The following PNP variants were observed in gnomAD, a reference collection of about 807,000 sequenced individuals.
PNP encodes purine nucleoside phosphorylase.
A neutral mutation model predicts 26.8 loss-of-function variants in PNP; 18 were observed. That is an observed-to-expected ratio of 0.67 (90% CI 0.46 to 1.00). The LOEUF is 1.00. PNP is among the 50% of genes least tolerant of loss of function. The probability of loss-of-function intolerance (pLI) is 0.00; values close to 1 mark genes in which losing one functional copy is unlikely to be tolerated. For missense variants in PNP, 320 were observed against 362.9 expected (o/e 0.88, Z 0.96); for synonymous variants, 116 against 124.8 (o/e 0.93, Z 0.47).
chr14:20,475,798 G>T (rs1214278782), intron 5 of PNP, among the ~76,000 whole-genome samples: 2 of 152,068 alleles, frequency 1.3e-5, no homozygotes, highest in Non-Finnish European at 2.9e-5. Flanking sequence ...TGTGATGACT[G>T]TTTCTAAGAA....
rs138234455 is a variant in PNP, at chr14:20,474,964, C to T, written c.461+16C>T. ...ATGATGAAAGGTATGTATGTTACTC[C>T]GTTTTTTTTAGGTGGGTAGGATTTA... is the stretch of plus-strand genomic sequence containing the variant. On this transcript the variant is annotated intron_variant, in intron 4 of 5. Transcript: ENST00000361505. The T allele has an allele frequency of 4.5e-4, 721 of 1,613,876 alleles. 8 individuals carry two copies. The East Asian group carries it at 0.015, about 33-fold the overall frequency.
chr14:20,474,285 T>C, intron 2 of PNP, 187 bp from the exon 3 acceptor site: 1 of 588,212 alleles, frequency 1.7e-6, no homozygotes, highest in South Asian at 1.9e-5. Flanking sequence ...TGTATTTGTA[T>C]AATTATTAGT....
intron 2 of PNP, 48 bp from the exon 3 acceptor site, chr14:20,474,424 T>C: frequency 1.3e-6 from 2 of 1,490,576 alleles, no homozygotes; most frequent in Non-Finnish European, 1.9e-6. Flanking sequence ...GGATATGTGT[T>C]GCATGAAAAT....
At chr14:20,472,767 G>T in intron 2 of PNP, 1 of 385,660 alleles carries the variant, frequency 2.6e-6, no homozygotes, top group Non-Finnish European at 4.7e-6. Flanking sequence ...TTTGGTTTAC[G>T]TAATTTCTCA....
At chr14:20,472,204 C>T in intron 1 of PNP, 104 bp from the exon 2 acceptor site, 2 of 931,888 alleles carry the variant, frequency 2.1e-6, no homozygotes, top group Non-Finnish European at 3.5e-6. Context: ...TTCTCCGTCC[C>T]TGCTGCCTCA....
rs182309640 is a variant in PNP, at chr14:20,476,836, G to A, written c.*235G>A. 1.7e-4 allele frequency: 96 copies of A among 550,442 alleles called. No individual in the cohort carries two copies. In the African/African-American group the frequency reaches 1.8e-3, roughly 10 times the overall value. The allele number at this position is 550,442 out of a possible 1,614,324, so 34.1% of individuals were successfully genotyped here. ...GACCTTGGCGCTACAAAATAAAGCT[G>A]TTCTCATTCCTGTTCTTTCTTACAC... On this transcript the variant is annotated 3_prime_UTR_variant, in exon 6 of 6. Transcript: ENST00000361505.
chr14:20,474,233 T>C (rs1382546412), intron 2 of PNP: 3 of 480,490 alleles, frequency 6.2e-6, no homozygotes, highest in East Asian at 4.0e-5. Flanking sequence ...TGTGTGTTCA[T>C]GCTGAACATG....
chr14:20,476,638 C>T lies in PNP; in HGVS notation c.*37C>T, dbSNP rs367615281. ...GTCGTCTGGCATCTCCCACACAAGA[C>T]CCAAGTAGCTGCTACCTTCTTTGGC... is the stretch of plus-strand genomic sequence containing the variant. On this transcript the variant is annotated 3_prime_UTR_variant, in exon 6 of 6. Coordinates refer to ENST00000361505, the MANE Select transcript of PNP (RefSeq NM_000270.4). 1.3e-6 allele frequency: 2 copies of T among 1,536,686 alleles called. No individual in the cohort carries two copies. Among genetic ancestry groups the T allele is most frequent in the South Asian group, 2.2e-5 (2 of 89,300 alleles).
chr14:20,474,782 C>T lies in PNP; in HGVS notation c.295C>T (p.Pro99Ser), dbSNP rs568276040. ...ATTGTTTGCTTCGAAGGTGACATTC[C>T]CAGTGAGGGTTTTCCACCTTCTGGG... is the stretch of plus-strand genomic sequence containing the variant. The part of the protein sequence containing the change: ...EGYPLWKVTF[P>S]VRVFHLLGVD... Residue 99 changes from proline to serine, a missense_variant, in exon 4 of 6, where the codon CCA becomes TCA. Coordinates refer to ENST00000361505, the MANE Select transcript of PNP (RefSeq NM_000270.4). 1.2e-6 allele frequency: 2 copies of T among 1,614,006 alleles called. No individual in the cohort carries two copies. Among genetic ancestry groups the T allele is most frequent in the East Asian group, 4.5e-5 (2 of 44,888 alleles).
chr14:20,474,253 C>T, intron 2 of PNP: 1 of 528,414 alleles, frequency 1.9e-6, no homozygotes, highest in Non-Finnish European at 3.4e-6. Context: ...GCTGAACGCA[C>T]CCCATATCTC....
At position 20,474,907 on chromosome 14, in the gene PNP, T is replaced by C. The variant is rs968606997; in HGVS notation, c.420T>C (p.Gly140=). Residue 140 remains glycine, a synonymous_variant, in exon 4 of 6, where the codon GGT becomes GGC. Coordinates refer to ENST00000361505, the MANE Select transcript of PNP (RefSeq NM_000270.4). ...MLIRDHINLP[G]FSGQNPLRGP... ...TCCGTGACCATATCAACCTACCTGG[T>C]TTCAGTGGTCAGAACCCTCTCAGAG... 1 of 1,614,058 alleles carries C rather than the reference T, an allele frequency of 6.2e-7. No homozygotes were observed. The highest frequency in any genetic ancestry group is 1.7e-5 in the Admixed American group (1 of 60,004).
At chr14:20,475,291 G>C in intron 5 of PNP, 39 bp downstream of exon 5, 1 of 1,582,232 alleles carries the variant, frequency 6.3e-7, no homozygotes, top group South Asian at 1.1e-5. Context: ...GAAGAGGGAG[G>C]GGTTTAGCAA....
At chr14:20,472,650 T>C (rs1882013011) in intron 2 of PNP, 173 bp downstream of exon 2, 7 of 706,794 alleles carry the variant, frequency 9.9e-6, no homozygotes, top group South Asian at 1.5e-5. Context: ...GAGATGCCTC[T>C]AGCAGACATC....
At chr14:20,475,002 G>C in intron 4 of PNP, 54 bp downstream of exon 4, 6 of 1,613,462 alleles carry the variant, frequency 3.7e-6, no homozygotes, top group Non-Finnish European at 3.4e-6. Flanking sequence ...GACTTCTCTA[G>C]GAGCTGTGGG....
chr14:20,476,411 T>G lies in PNP; in HGVS notation c.680T>G (p.Val227Gly). 6.2e-7 allele frequency: 1 copy of G among 1,614,114 alleles called. No homozygotes were observed. The highest frequency in any genetic ancestry group is 8.5e-7 in the Non-Finnish European group (1 of 1,179,954). The change falls in exon 6 of 6, where the codon GTT becomes GGT. Residue 227 changes from valine (V) to glycine (G), a missense_variant. Val to Gly is a moderately radical substitution (Grantham distance 109). Transcript: ENST00000361505. ...VGMSTVPEVI[V>G]ARHCGLRVFG... ...ATGAGTACAGTACCAGAAGTTATCG[T>G]TGCACGGCACTGTGGACTTCGAGTC...
intron 2 of PNP, chr14:20,473,797 CT>C (rs1272290448): frequency 6.6e-6 from 1 of 152,334 alleles, no homozygotes; most frequent in Admixed American, 6.5e-5. Flanking sequence ...AACTCCTGGC[CT>C]GTTGATCCGC....
At position 20,474,543 on chromosome 14, in the gene PNP, T is replaced by C. The variant is rs1425542610; in HGVS notation, c.253T>C (p.Phe85Leu). ...GGCCTGTGTGATGATGCAGGGCAGG[T>C]TCCACATGTATGAAGGGTACCCACT... ...GRACVMMQGRFHMYEGYPLWK... is the reference protein window; with the variant it reads ...GRACVMMQGRLHMYEGYPLWK... The change falls in exon 3 of 6, where the codon TTC becomes CTC. Residue 85 changes from phenylalanine to leucine, a missense_variant. By Grantham distance (22) the Phe-to-Leu change is conservative. Coordinates refer to ENST00000361505, the MANE Select transcript of PNP (RefSeq NM_000270.4). 4 of 1,614,146 alleles carry C rather than the reference T, an allele frequency of 2.5e-6. No individual in the cohort carries two copies. Among genetic ancestry groups the C allele is most frequent in the Non-Finnish European group, 3.4e-6 (4 of 1,180,008 alleles).
At chr14:20,471,976 C>T (rs1462843771) in intron 1 of PNP, among the ~76,000 whole-genome samples, 1 of 152,184 alleles carries the variant, frequency 6.6e-6, no homozygotes, top group African/African-American at 2.4e-5. Context: ...TGGCCCCTTC[C>T]TCTCTAAACC....
chr14:20,475,285 A>C (rs1171302807), intron 5 of PNP, 33 bp downstream of exon 5: 24 of 1,597,872 alleles, frequency 1.5e-5, no homozygotes, highest in Non-Finnish European at 2.1e-5. Flanking sequence ...AAGCTTGAAG[A>C]GGGAGGGGTT....
Sources: allele counts gnomAD v4.1 joint callset (sites outside exome capture counted in the v4.1 genomes callset), GRCh38; gene constraint gnomAD v4.1.1; transcripts MANE v1.5; gene names NCBI Gene and HGNC (gene_info 2026-07-23, HGNC 2026-07-21).